The following DLG5 variants were observed in gnomAD, a reference collection of about 807,000 sequenced individuals.
DLG5 encodes discs large MAGUK scaffold protein 5, also known as disks large homolog 5.
A neutral mutation model predicts 189.8 loss-of-function variants in DLG5; 48 were observed. The observed-to-expected ratio is 0.25, with a 90% CI of 0.20 to 0.32. DLG5 has a LOEUF of 0.32. Among genes scored for constraint, DLG5 ranks in the 10% least tolerant of loss-of-function variants. DLG5 has a pLI of 1.00. For missense variants in DLG5, 2,160 were observed against 2,544.7 expected (o/e 0.85, Z 3.25); for synonymous variants, 1,016 against 1,054.1 (o/e 0.96, Z 0.70).
chr10:77,823,666 G>C (rs1195529791), intron 14 of DLG5, among the ~76,000 whole-genome samples: 4 of 151,944 alleles, frequency 2.6e-5, no homozygotes, highest in Non-Finnish European at 5.9e-5. Flanking sequence ...GAGTAGCTGG[G>C]ATTACAGGAA....
intron 15 of DLG5, 111 bp from the exon 16 acceptor site, chr10:77,820,129 T>A (rs1167650191): frequency 2.3e-5 from 34 of 1,472,592 alleles, no homozygotes; most frequent in Non-Finnish European, 3.1e-5. Context: ...GCAGATCACC[T>A]AAGGTCAGGA....
chr10:77,908,287 G>A (rs904170945), intron 1 of DLG5, among the ~76,000 whole-genome samples: 1 of 152,162 alleles, frequency 6.6e-6, no homozygotes, highest in Non-Finnish European at 1.5e-5. Flanking sequence ...GCAACTCACA[G>A]ACAGCCAGTC....
intron 20 of DLG5, 135 bp from the exon 21 acceptor site, chr10:77,812,512 C>A: frequency 9.9e-7 from 1 of 1,014,680 alleles, no homozygotes; most frequent in Non-Finnish European, 1.4e-6. Flanking sequence ...TGTGACACAG[C>A]TACATGGGGA....
At position 77,791,635 on chromosome 10, in the gene DLG5, A is replaced by T. The variant is rs1421275852; in HGVS notation, c.*805T>A. Reference sequence around the variant, plus strand: ...CAGAGCCTAAGGAGGACCCAATGGCAGGCATCAGCACAGCTGAACACCACC... The same window carrying T: ...CAGAGCCTAAGGAGGACCCAATGGCTGGCATCAGCACAGCTGAACACCACC... On this transcript the variant is annotated 3_prime_UTR_variant, in exon 32 of 32. Coordinates refer to ENST00000372391, the MANE Select transcript of DLG5 (RefSeq NM_004747.4). 2.0e-5 allele frequency: 3 copies of T among 152,376 alleles called. No individual in the cohort carries two copies. Among genetic ancestry groups the T allele is most frequent in the Non-Finnish European group, 2.9e-5 (2 of 68,104 alleles). 9.4% of individuals were successfully genotyped at this position (152,376 alleles called of 1,614,324 possible).
At chr10:77,813,234 C>T (rs747866954) in intron 20 of DLG5, among the ~76,000 whole-genome samples, 5 of 152,198 alleles carry the variant, frequency 3.3e-5, no homozygotes, top group Non-Finnish European at 7.3e-5. Context: ...ATTTTCCTCG[C>T]AGGATAAAAC....
At chr10:77,807,500 G>T (rs1312931742) in intron 25 of DLG5, among the ~76,000 whole-genome samples, 1 of 152,158 alleles carries the variant, frequency 6.6e-6, no homozygotes, top group Non-Finnish European at 1.5e-5. Context: ...CTGGCTTGGG[G>T]GACACCAGAA....
At chr10:77,804,721 C>T (rs1841385606) in intron 27 of DLG5, among the ~76,000 whole-genome samples, 1 of 152,244 alleles carries the variant, frequency 6.6e-6, no homozygotes, top group Admixed American at 6.5e-5. Flanking sequence ...CCTGGACTAG[C>T]ATCTTGCTCC....
At position 77,790,892 on chromosome 10, in the gene DLG5, G is replaced by C. The variant is rs1840616518; in HGVS notation, c.*1548C>G. On this transcript the variant is annotated 3_prime_UTR_variant, in exon 32 of 32. Coordinates refer to ENST00000372391, the MANE Select transcript of DLG5 (RefSeq NM_004747.4). ...ATCCCAGTCTGTCAGCTCAGTACCT[G>C]TCTGTGCACACTGTACCATCTCAGT... 1 of 152,206 alleles carries C rather than the reference G, an allele frequency of 6.6e-6. No homozygotes were observed. Among genetic ancestry groups the C allele is most frequent in the African/African-American group, 2.4e-5 (1 of 41,446 alleles). The allele number at this position is 152,206 out of a possible 1,614,324, so 9.4% of individuals were successfully genotyped here. A position where few individuals can be genotyped will look rare whatever the true frequency, so the allele number is the denominator to read the frequency against.
At chr10:77,829,081 G>C in intron 12 of DLG5, 96 bp from the exon 13 acceptor site, 3 of 1,365,136 alleles carry the variant, frequency 2.2e-6, no homozygotes, top group Middle Eastern at 2.5e-4. Context: ...TTACAAAAGA[G>C]GATGTCAGCA....
intron 1 of DLG5, among the ~76,000 whole-genome samples, chr10:77,922,477 C>A (rs749653817): frequency 1.3e-5 from 2 of 152,178 alleles, no homozygotes; most frequent in African/African-American, 2.4e-5. Context: ...TTGTTCCCCG[C>A]AGATCCATGT....
At chr10:77,926,945 A>G (rs577883172), upstream of DLG5, 105 of 378,164 alleles carry the variant, frequency 2.8e-4, no homozygotes, top group African/African-American at 2.2e-3. The surrounding 1 kb of genome is among the most constrained non-coding windows in gnomAD (Gnocchi z 5.2). Context: ...GAGCAAGACT[A>G]CAACTCCCGG....
At chr10:77,913,890 T>C (rs77998740) in intron 1 of DLG5, among the ~76,000 whole-genome samples, 2,614 of 152,226 alleles carry the variant, frequency 0.017, 34 homozygotes, top group Admixed American at 0.024. Context: ...TGCCTGGCTC[T>C]TGAAAGTCTT....
At chr10:77,836,461 C>A (rs1057334607) in intron 7 of DLG5, among the ~76,000 whole-genome samples, 1 of 152,112 alleles carries the variant, frequency 6.6e-6, no homozygotes, top group East Asian at 1.9e-4. Flanking sequence ...ACAGCAGAGG[C>A]GCTGATGACA....
At chr10:77,851,420 C>A (rs985937637) in intron 5 of DLG5, among the ~76,000 whole-genome samples, 1 of 152,166 alleles carries the variant, frequency 6.6e-6, no homozygotes, top group Non-Finnish European at 1.5e-5. Context: ...GCTCCAAGAG[C>A]ACCACCCCCA....
intron 1 of DLG5, among the ~76,000 whole-genome samples, chr10:77,887,879 C>A (rs1845486457): frequency 6.6e-6 from 1 of 152,240 alleles, no homozygotes; most frequent in Non-Finnish European, 1.5e-5. Context: ...GTGCTCACAG[C>A]AGCAGCAGCC....
rs1035330141 is a variant in DLG5, at chr10:77,841,905, A to G, written c.1413T>C (p.Asn471=). ...CCTGCCGCAGCGCCTCCATCTCCTCATTGGCCGCCTTCTTCTCAGATGTGC... is the reference window on the plus strand; with the variant it reads ...CCTGCCGCAGCGCCTCCATCTCCTCGTTGGCCGCCTTCTTCTCAGATGTGC... ...KSSTSEKKAA[N]EEMEALRQIK... The change falls in exon 7 of 32, where the codon AAT becomes AAC. Residue 471 remains asparagine, a synonymous_variant. Coordinates refer to ENST00000372391, the MANE Select transcript of DLG5 (RefSeq NM_004747.4). 2.5e-6 allele frequency: 4 copies of G among 1,610,498 alleles called. No individual in the cohort carries two copies. The highest frequency in any genetic ancestry group is 1.7e-4 in the Middle Eastern group (1 of 6,048).
rs762501307 is a variant in DLG5, at chr10:77,926,352, G to A, written c.169C>T (p.Leu57Phe). The A allele has an allele frequency of 6.2e-7, 1 of 1,602,834 alleles. No individual in the cohort carries two copies. The part of the protein sequence containing the change: ...EAGGAKAELL[L>F]KLLLAKERDH... ...CGCTCCTTGGCCAAGAGCAGCTTGA[G>A]CAGCAGCTCCGCCTTGGCGCCTCCC... is the stretch of plus-strand genomic sequence containing the variant. Residue 57 changes from leucine to phenylalanine, a missense_variant, in exon 1 of 32, where the codon CTC (leucine) becomes TTC (phenylalanine). This residue lies in a region of DLG5 where 664 missense variants were observed against 838.5 expected (regional missense o/e 0.79). Coordinates refer to ENST00000372391, the MANE Select transcript of DLG5 (RefSeq NM_004747.4). This position sits in a 1 kb window ranked among gnomAD's most constrained non-coding sequence, Gnocchi z 5.2.
intron 7 of DLG5, 49 bp from the exon 8 acceptor site, chr10:77,835,971 G>A (rs1315044233): frequency 6.4e-7 from 1 of 1,569,986 alleles, no homozygotes; most frequent in East Asian, 2.3e-5. Flanking sequence ...GAGCCTCATG[G>A]ACCAGGAGCG....
chr10:77,794,889 T>C lies in DLG5; in HGVS notation c.5506A>G (p.Ile1836Val), dbSNP rs1840830523. The C allele has an allele frequency of 6.2e-7, 1 of 1,613,964 alleles. No homozygotes were observed. The highest frequency in any genetic ancestry group is 8.5e-7 in the Non-Finnish European group (1 of 1,179,988). ...CTCTTGTAGTGGATGAAGATGACAA[T>C]GGGGTAGATGTGCATGTGGTGGAGC... Reference protein sequence around the residue: ...ERLHHMHIYPIVIFIHYKSAK... With the variant: ...ERLHHMHIYPVVIFIHYKSAK... The change falls in exon 30 of 32, where the codon ATT becomes GTT. Residue 1836 changes from isoleucine (I) to valine (V), a missense_variant. Ile to Val is a conservative substitution (Grantham distance 29). Around this residue, in one of 5 missense-constraint regions of DLG5, gnomAD observed 574 missense variants for 644.2 expected, o/e 0.89. Transcript: ENST00000372391.
Sources: gnomAD v4.1 joint callset for allele counts (sites outside exome capture counted in the v4.1 genomes callset) on GRCh38, gnomAD v4.1.1 for gene constraint, gnomAD v4.1.1 regional missense constraint, Gnocchi (gnomAD v3.1) non-coding constraint, MANE v1.5 for transcripts, NCBI Gene and HGNC (gene_info 2026-07-23, HGNC 2026-07-21) for gene names.